IMPG1: variants seen among roughly 807,000 people sequenced by gnomAD.
The protein encoded by IMPG1 is interphotoreceptor matrix proteoglycan of 150 kDa.
A neutral mutation model predicts 92.0 loss-of-function variants in IMPG1; 85 were observed. The ratio of observed to expected loss-of-function variants is 0.92; its 90% CI spans 0.78 to 1.11. IMPG1 has a LOEUF of 1.11. Ranked by LOEUF, IMPG1 falls within the 50% of genes least tolerant of loss-of-function variation. The pLI is 0.00. For synonymous variants in IMPG1, 367 were observed against 334.1 expected (o/e 1.10, Z -1.08); for missense variants, 1,022 against 956.0 (o/e 1.07, Z -0.91).
intron 12 of IMPG1, among the ~76,000 whole-genome samples, 159 bp downstream of exon 12, chr6:76,002,759 T>A (rs1783017685): frequency 6.6e-6 from 1 of 152,230 alleles, no homozygotes; most frequent in African/African-American, 2.4e-5. Context: ...TGCAGAAAGG[T>A]TAGTTCAATG....
chr6:76,033,121 G>A (rs767258571), intron 4 of IMPG1, among the ~76,000 whole-genome samples: 2 of 152,196 alleles, frequency 1.3e-5, no homozygotes, highest in Non-Finnish European at 2.9e-5. Context: ...GGCCAGAAGG[G>A]GTGAGAGGAG....
intron 2 of IMPG1, 75 bp from the exon 3 acceptor site, chr6:76,034,862 T>C: frequency 7.9e-7 from 1 of 1,265,746 alleles, no homozygotes; most frequent in Non-Finnish European, 1.1e-6. Context: ...TCTAATAACA[T>C]GGAAAATTAT....
chr6:76,044,348 A>C (rs1452467408), intron 1 of IMPG1, among the ~76,000 whole-genome samples: 5 of 152,198 alleles, frequency 3.3e-5, no homozygotes, highest in African/African-American at 1.2e-4. Context: ...AAGCTGCCTC[A>C]TTGGGTACTT....
At chr6:76,021,537 T>C (rs1783424242) in intron 6 of IMPG1, among the ~76,000 whole-genome samples, 2 of 152,024 alleles carry the variant, frequency 1.3e-5, no homozygotes, top group African/African-American at 4.8e-5. Flanking sequence ...CATCCTCTCA[T>C]CCCACATACC....
intron 4 of IMPG1, among the ~76,000 whole-genome samples, chr6:76,032,527 TA>T (rs774593818): frequency 1.3e-5 from 2 of 152,154 alleles, no homozygotes; most frequent in Non-Finnish European, 2.9e-5. Flanking sequence ...CAGTTCTGTA[TA>T]GTAGGTGGGA....
At chr6:76,043,723 C>T (rs1490467078) in intron 1 of IMPG1, among the ~76,000 whole-genome samples, 2 of 152,198 alleles carry the variant, frequency 1.3e-5, no homozygotes, top group Non-Finnish European at 2.9e-5. Context: ...GGGTGCATCT[C>T]AAACTGGCTT....
intron 1 of IMPG1, among the ~76,000 whole-genome samples, chr6:76,046,241 T>C (rs1271153462): frequency 6.6e-6 from 1 of 152,158 alleles, no homozygotes; most frequent in Admixed American, 6.6e-5. Flanking sequence ...CTTTAGGTAG[T>C]TCTAAAAAGC....
chr6:75,938,810 T>TCAAAACAAAA (rs71002780), intron 14 of IMPG1, among the ~76,000 whole-genome samples: 27,863 of 146,884 alleles, frequency 0.19, 2,802 homozygotes, highest in East Asian at 0.39. Context: ...AGGCTCCATC[T>TCAAAACAAAA]CAAAACAAAA....
intron 1 of IMPG1, among the ~76,000 whole-genome samples, chr6:76,058,158 G>A (rs763177740): frequency 2.0e-5 from 3 of 151,954 alleles, no homozygotes; most frequent in African/African-American, 2.4e-5. Flanking sequence ...TTTCATTTTG[G>A]GAAGGTCTCA....
chr6:76,043,400 G>T (rs1418160771), intron 1 of IMPG1, among the ~76,000 whole-genome samples: 2 of 152,122 alleles, frequency 1.3e-5, no homozygotes, highest in South Asian at 2.1e-4. Context: ...AAGCATAAAA[G>T]TCCCTCAATA....
chr6:75,933,021 A>G (rs1240137111), intron 14 of IMPG1, among the ~76,000 whole-genome samples: 1 of 152,136 alleles, frequency 6.6e-6, no homozygotes, highest in East Asian at 1.9e-4. Flanking sequence ...TTCTTAATAC[A>G]TCCCAGAGCA....
intron 1 of IMPG1, among the ~76,000 whole-genome samples, chr6:76,058,378 G>A (rs1328088069): frequency 1.3e-5 from 2 of 152,122 alleles, no homozygotes; most frequent in African/African-American, 4.8e-5. Context: ...AGTAACAGTG[G>A]TAGTTGCTAT....
rs188574194 is a variant in IMPG1 at position 76,064,062 on chromosome 6, C to T, written c.67+8360G>A. Among the ~76,000 whole-genome samples, 4 of 152,260 alleles carry T rather than the reference C, an allele frequency of 2.6e-5. No individual in the cohort carries two copies. In the South Asian group the frequency reaches 6.2e-4, roughly 24 times the overall value. On this transcript the variant is annotated intron_variant, in intron 1 of 16. Coordinates refer to ENST00000369950, the MANE Select transcript of IMPG1 (RefSeq NM_001563.4). ...AGGGGGACTACTCATCTCCCTACCCCACCCACTGTTGTGGATACAGTTGTG... is the reference window on the plus strand; with the variant it reads ...AGGGGGACTACTCATCTCCCTACCCTACCCACTGTTGTGGATACAGTTGTG...
intron 4 of IMPG1, among the ~76,000 whole-genome samples, chr6:76,026,240 G>C (rs1483470424): frequency 6.6e-6 from 1 of 152,178 alleles, no homozygotes; most frequent in African/African-American, 2.4e-5. Flanking sequence ...AAATTGTCAT[G>C]GCTGTGGGAC....
chr6:76,050,130 T>C (rs1784013225), intron 1 of IMPG1, among the ~76,000 whole-genome samples: 1 of 152,116 alleles, frequency 6.6e-6, no homozygotes, highest in African/African-American at 2.4e-5. Context: ...CTTTTGACTC[T>C]TCGTTTATAG....
chr6:75,957,272 G>C (rs1453754849), intron 12 of IMPG1, among the ~76,000 whole-genome samples: 3 of 152,186 alleles, frequency 2.0e-5, no homozygotes, highest in Non-Finnish European at 4.4e-5. Context: ...TGGTCTGAGA[G>C]GCTGTTTGTT....
intron 12 of IMPG1, among the ~76,000 whole-genome samples, chr6:75,978,034 C>T (rs962248603): frequency 3.9e-5 from 6 of 152,208 alleles, no homozygotes; most frequent in African/African-American, 1.4e-4. Context: ...AAGCAGTCCT[C>T]CCGCCTTAGC....
intron 14 of IMPG1, among the ~76,000 whole-genome samples, chr6:75,932,725 A>G (rs1206013907): frequency 6.6e-6 from 1 of 151,360 alleles, no homozygotes; most frequent in Non-Finnish European, 1.5e-5. Flanking sequence ...TTTGAGATGG[A>G]GTCTCGCTCT....
chr6:76,012,215 G>T (rs1783198675), intron 7 of IMPG1, among the ~76,000 whole-genome samples: 1 of 151,820 alleles, frequency 6.6e-6, no homozygotes, highest in African/African-American at 2.4e-5. Context: ...TTTTATAATT[G>T]CTGTACTAAC....
Sources: allele counts gnomAD v4.1 joint callset (sites outside exome capture counted in the v4.1 genomes callset), GRCh38; gene constraint gnomAD v4.1.1; transcripts MANE v1.5; gene names NCBI Gene and HGNC (gene_info 2026-07-23, HGNC 2026-07-21).